The following PDE1A variants were observed in gnomAD, a reference collection of about 807,000 sequenced individuals.
PDE1A encodes the protein dual specificity calcium/calmodulin-dependent 3',5'-cyclic nucleotide phosphodiesterase 1A.
Under a neutral mutation model 61.7 loss-of-function variants are expected in PDE1A, and 35 were observed. The ratio of observed to expected loss-of-function variants is 0.57; its 90% CI spans 0.43 to 0.75. PDE1A has a LOEUF of 0.75. Among genes scored for constraint, PDE1A ranks in the 30% least tolerant of loss-of-function variants. The pLI is 0.00. For missense variants in PDE1A, 597 were observed against 630.6 expected, an observed-to-expected ratio of 0.95 and a Z score of 0.57; for synonymous variants, 232 against 213.2, an observed-to-expected ratio of 1.09 and a Z score of -0.77.
chr2:182,226,091 A>G (rs1197077652), intron 6 of PDE1A, among the ~76,000 whole-genome samples: 1 of 149,636 alleles, frequency 6.7e-6, no homozygotes, highest in Admixed American at 6.6e-5. Flanking sequence ...TATTAAAGAA[A>G]ATGGAAAAAA....
At chr2:182,646,433 TA>T in the PDE1A span, among the ~76,000 whole-genome samples, 1 of 146,726 alleles carries the variant, frequency 6.8e-6, no homozygotes, top group Non-Finnish European at 1.5e-5. Flanking sequence ...CTCACACCTG[TA>T]ATCCCAGTAC....
chr2:182,517,601 G>A (rs1690290284), intron 2 of PDE1A, among the ~76,000 whole-genome samples: 1 of 152,200 alleles, frequency 6.6e-6, no homozygotes, highest in South Asian at 2.1e-4. Context: ...GGTGGATTTT[G>A]TTACGAGAAG....
At chr2:182,212,436 G>C (rs1004037885) in intron 7 of PDE1A, among the ~76,000 whole-genome samples, 4 of 152,178 alleles carry the variant, frequency 2.6e-5, no homozygotes, top group African/African-American at 9.7e-5. Context: ...AATAGGAACA[G>C]CTCCGGTCTA....
the PDE1A span, among the ~76,000 whole-genome samples, chr2:182,572,650 C>G: frequency 1.3e-5 from 2 of 152,018 alleles, no homozygotes; most frequent in Non-Finnish European, 2.9e-5. Flanking sequence ...GCGGGCGGAT[C>G]ACGAGGTCAG....
At chr2:182,256,038 C>CTTTTTTTTTTTTTTTTTTTTTTTTTTT (rs755211798) in intron 2 of PDE1A, among the ~76,000 whole-genome samples, 99 of 92,246 alleles carry the variant, frequency 1.1e-3, no homozygotes, top group East Asian at 3.0e-3. Context: ...AGGATGACTT[C>CTTTTTTTTTTTTTTTTTTTTTTTTTTT]TTTTTTTTTT....
At chr2:182,409,853 T>C (rs934228458) in intron 1 of PDE1A, among the ~76,000 whole-genome samples, 7 of 152,232 alleles carry the variant, frequency 4.6e-5, no homozygotes, top group Non-Finnish European at 8.8e-5. Context: ...TCTTCTTTCA[T>C]GATAAAGACA....
chr2:182,498,951 A>G (rs1261639029), intron 2 of PDE1A, among the ~76,000 whole-genome samples: 1 of 151,804 alleles, frequency 6.6e-6, no homozygotes, highest in Non-Finnish European at 1.5e-5. Context: ...TCAAAATAAA[A>G]AAATAAAAAA....
chr2:182,610,062 T>G, the PDE1A span, among the ~76,000 whole-genome samples: 1 of 147,128 alleles, frequency 6.8e-6, no homozygotes, highest in African/African-American at 2.5e-5. Flanking sequence ...CACACCAGCT[T>G]GGGAGACAGA....
At chr2:182,223,732 A>C in intron 7 of PDE1A, 132 bp downstream of exon 7, 1 of 538,404 alleles carries the variant, frequency 1.9e-6, no homozygotes, top group Non-Finnish European at 3.3e-6. Flanking sequence ...CAGCTTAAGA[A>C]ATTTTGCTAA....
chr2:182,526,036 C>G (rs943059360), upstream of PDE1A, among the ~76,000 whole-genome samples: 4 of 151,894 alleles, frequency 2.6e-5, no homozygotes, highest in Non-Finnish European at 5.9e-5. Flanking sequence ...CAGGTGAGAA[C>G]AAGAAATCAT....
At chr2:182,445,879 C>A (rs1685098097) in intron 2 of PDE1A, among the ~76,000 whole-genome samples, 1 of 151,986 alleles carries the variant, frequency 6.6e-6, no homozygotes, top group African/African-American at 2.4e-5. Context: ...AATTATTTTT[C>A]ATGATACTTA....
the PDE1A span, among the ~76,000 whole-genome samples, chr2:182,537,606 C>T: frequency 1.3e-4 from 19 of 151,958 alleles, no homozygotes; most frequent in Non-Finnish European, 2.4e-4. Flanking sequence ...ATGTAACAAA[C>T]TTGCACGTTA....
chr2:182,439,115 G>T (rs1327371969), intron 2 of PDE1A, among the ~76,000 whole-genome samples: 1 of 152,036 alleles, frequency 6.6e-6, no homozygotes, highest in East Asian at 1.9e-4. Flanking sequence ...TTTCTGATTT[G>T]TTATCTGGGA....
chr2:182,626,748 CAT>C, the PDE1A span, among the ~76,000 whole-genome samples: 117 of 16,552 alleles, frequency 7.1e-3, 3 homozygotes, highest in South Asian at 0.017. Flanking sequence ...CATATATATA[CAT>C]ATATATATAT....
chr2:182,614,553 C>CT, the PDE1A span, among the ~76,000 whole-genome samples: 630 of 112,584 alleles, frequency 5.6e-3, 7 homozygotes, highest in African/African-American at 0.01. Context: ...ACTAGCATAT[C>CT]TTTTTTTTTT....
chr2:182,524,191 T>G (rs1179839821), upstream of PDE1A, among the ~76,000 whole-genome samples: 2 of 152,214 alleles, frequency 1.3e-5, no homozygotes, highest in African/African-American at 4.8e-5. Flanking sequence ...TGTAATAAAC[T>G]GTTACCTGAT....
chr2:182,293,343 C>A (rs1438067), intron 1 of PDE1A, among the ~76,000 whole-genome samples: 2 of 151,992 alleles, frequency 1.3e-5, no homozygotes, highest in Admixed American at 6.6e-5. Flanking sequence ...AAAACAGTAG[C>A]GCTTTGATTT....
At chr2:182,376,440 G>A (rs1261665291) in intron 1 of PDE1A, among the ~76,000 whole-genome samples, 1 of 152,142 alleles carries the variant, frequency 6.6e-6, no homozygotes, top group African/African-American at 2.4e-5. Context: ...AGTCACCTTT[G>A]CTCCAGTTCT....
intron 10 of PDE1A, among the ~76,000 whole-genome samples, chr2:182,192,023 T>G (rs955007667): frequency 2.0e-5 from 3 of 151,912 alleles, no homozygotes; most frequent in Non-Finnish European, 2.9e-5. Context: ...GCTGAGCTAA[T>G]TTTTTATATT....
Sources: gnomAD v4.1 joint callset for allele counts (sites outside exome capture counted in the v4.1 genomes callset) on GRCh38, gnomAD v4.1.1 for gene constraint, MANE v1.5 for transcripts, NCBI Gene and HGNC (gene_info 2026-07-23, HGNC 2026-07-21) for gene names.